Variants in SETD5 observed in about 807,000 individuals in gnomAD.
The protein encoded by SETD5 is histone-lysine N-methyltransferase SETD5.
A neutral mutation model predicts 153.3 loss-of-function variants in SETD5; 44 were observed. The observed-to-expected ratio is 0.29, with a 90% CI of 0.23 to 0.37. SETD5 has a LOEUF of 0.37. Ranked by LOEUF, SETD5 falls within the 10% of genes least tolerant of loss-of-function variation. SETD5 has a pLI of 1.00. For missense variants in SETD5, 1,544 were observed against 1,768.0 expected (o/e 0.87, Z 2.27); for synonymous variants, 716 against 645.2 (o/e 1.11, Z -1.66).
intron 16 of SETD5, among the ~76,000 whole-genome samples, chr3:9,453,100 T>A (rs2042818551): frequency 6.6e-6 from 1 of 152,178 alleles, no homozygotes; most frequent in African/African-American, 2.4e-5. Flanking sequence ...TCTTTTTGAC[T>A]TTTTCCCTTT....
intron 18 of SETD5, among the ~76,000 whole-genome samples, chr3:9,469,179 C>T (rs2045004197): frequency 6.6e-6 from 1 of 152,196 alleles, no homozygotes; most frequent in Admixed American, 6.5e-5. Context: ...CTTTCTGTCA[C>T]AGGCCACCAT....
At chr3:9,405,705 A>G (rs1343484729) in intron 1 of SETD5, among the ~76,000 whole-genome samples, 1 of 152,190 alleles carries the variant, frequency 6.6e-6, no homozygotes, top group Non-Finnish European at 1.5e-5. Flanking sequence ...TTCCAGTATC[A>G]TGTTAGCATA....
chr3:9,469,366 G>T (rs1027533801), intron 18 of SETD5, among the ~76,000 whole-genome samples: 5 of 152,214 alleles, frequency 3.3e-5, no homozygotes, highest in African/African-American at 1.2e-4. Flanking sequence ...TAATACATGG[G>T]ACCTTTTTTC....
intron 17 of SETD5, among the ~76,000 whole-genome samples, chr3:9,455,417 T>A (rs1055232961): frequency 5.9e-5 from 9 of 152,164 alleles, no homozygotes; most frequent in African/African-American, 2.2e-4. Context: ...TGAATTGCCA[T>A]TTTTTAAATT....
intron 17 of SETD5, among the ~76,000 whole-genome samples, chr3:9,461,321 A>G (rs990952357): frequency 6.6e-6 from 1 of 152,222 alleles, no homozygotes; most frequent in Non-Finnish European, 1.5e-5. Flanking sequence ...GTAGATTTCT[A>G]TTCATTGTCA....
intron 6 of SETD5, among the ~76,000 whole-genome samples, chr3:9,435,343 T>C (rs897287222): frequency 2.0e-5 from 3 of 151,944 alleles, no homozygotes; most frequent in Admixed American, 6.5e-5. Context: ...TCAAGACCAC[T>C]GTATAGTTCT....
At chr3:9,469,036 C>A (rs2044983645) in intron 18 of SETD5, among the ~76,000 whole-genome samples, 1 of 152,064 alleles carries the variant, frequency 6.6e-6, no homozygotes, top group Non-Finnish European at 1.5e-5. Context: ...GCTCTGTAAA[C>A]CAGATGTTTT....
intron 1 of SETD5, among the ~76,000 whole-genome samples, chr3:9,409,211 T>C (rs2036182906): frequency 6.6e-6 from 1 of 152,184 alleles, no homozygotes; most frequent in African/African-American, 2.4e-5. Context: ...ATTTACTTCA[T>C]ATTAGATGAT....
intron 1 of SETD5, among the ~76,000 whole-genome samples, chr3:9,406,481 G>T (rs948437379): frequency 5.3e-5 from 8 of 151,960 alleles, no homozygotes; most frequent in African/African-American, 1.9e-4. Flanking sequence ...GGTGGCTCAC[G>T]CCTGTAATCC....
chr3:9,416,176 G>T (rs2037421179), intron 1 of SETD5, among the ~76,000 whole-genome samples: 2 of 135,016 alleles, frequency 1.5e-5, no homozygotes, highest in Admixed American at 1.4e-4. Flanking sequence ...GAGCCTTTTT[G>T]CCCTCAGTCT....
chr3:9,436,563 T>C (rs936064998), intron 7 of SETD5, among the ~76,000 whole-genome samples: 5 of 152,214 alleles, frequency 3.3e-5, no homozygotes, highest in Middle Eastern at 3.2e-3. Flanking sequence ...TTATTTACTT[T>C]TTCTCTTAGT....
chr3:9,398,749 G>C (rs755165051), intron 1 of SETD5, among the ~76,000 whole-genome samples: 5 of 152,240 alleles, frequency 3.3e-5, no homozygotes, highest in Non-Finnish European at 5.9e-5. Flanking sequence ...AATGTGAAGA[G>C]GAGTGTAGGA....
chr3:9,452,343 A>G (rs1419971975), intron 16 of SETD5, among the ~76,000 whole-genome samples: 1 of 152,218 alleles, frequency 6.6e-6, no homozygotes, highest in Non-Finnish European at 1.5e-5. Context: ...TAATTTTTCC[A>G]TTTATAAAAT....
rs1575592753 is a variant in SETD5 at position 9,468,424 on chromosome 3, A to G, written c.2725-2035A>G. 3 of 1,121,880 alleles carry G rather than the reference A, an allele frequency of 2.7e-6. 1 individual carries two copies. The East Asian group carries it at 1.8e-4, about 69-fold the overall frequency. 69.5% of individuals were successfully genotyped at this position (1,121,880 alleles called of 1,614,324 possible). A position where few individuals can be genotyped will look rare whatever the true frequency, so the allele number is the denominator to read the frequency against. On this transcript the variant is annotated intron_variant, in intron 18 of 22. Transcript: ENST00000402198. Reference sequence around the variant, plus strand: ...AACTTCCCCGCCCCCGAAAAAAGTTATGGCTAACATCTATGCTTGCTTTTA... The same window carrying G: ...AACTTCCCCGCCCCCGAAAAAAGTTGTGGCTAACATCTATGCTTGCTTTTA...
chr3:9,472,542 AAAT>A (rs1311848172), intron 19 of SETD5, among the ~76,000 whole-genome samples: 1 of 152,202 alleles, frequency 6.6e-6, no homozygotes, highest in African/African-American at 2.4e-5. Context: ...TATAAACTGG[AAAT>A]AATAATTTCC....
intron 1 of SETD5, among the ~76,000 whole-genome samples, 160 bp downstream of exon 1, chr3:9,398,137 C>T (rs2034002576): frequency 6.6e-6 from 1 of 151,806 alleles, no homozygotes; most frequent in Non-Finnish European, 1.5e-5. Flanking sequence ...CCCTCGCCGC[C>T]TTGCACACAC....
intron 18 of SETD5, among the ~76,000 whole-genome samples, chr3:9,469,053 T>G (rs965911689): frequency 6.6e-6 from 1 of 152,150 alleles, no homozygotes; most frequent in Admixed American, 6.5e-5. Flanking sequence ...TTTTGACCTT[T>G]GGTTGATAGA....
At chr3:9,439,574 G>A (rs919457948) in intron 7 of SETD5, among the ~76,000 whole-genome samples, 2 of 152,166 alleles carry the variant, frequency 1.3e-5, no homozygotes, top group African/African-American at 4.8e-5. Flanking sequence ...TTTTCTGATG[G>A]CACTTAAGTC....
chr3:9,425,055 C>CTTTT (rs778883904), intron 2 of SETD5, among the ~76,000 whole-genome samples: 1,212 of 83,586 alleles, frequency 0.015, 128 homozygotes, highest in African/African-American at 0.053. Flanking sequence ...GACAATGTTT[C>CTTTT]TTTTTTTTTT....
Sources: allele counts gnomAD v4.1 joint callset (sites outside exome capture counted in the v4.1 genomes callset), GRCh38; gene constraint gnomAD v4.1.1; transcripts MANE v1.5; gene names NCBI Gene and HGNC (gene_info 2026-07-23, HGNC 2026-07-21).